GPHN: variants seen among roughly 807,000 people sequenced by gnomAD.
GPHN encodes gephyrin.
GPHN carries 17 observed loss-of-function variants against 95.5 expected under a neutral mutation model. That is an observed-to-expected ratio of 0.18 (90% CI 0.12 to 0.27). GPHN has a LOEUF of 0.27. Ranked by LOEUF, GPHN falls within the 10% of genes least tolerant of loss-of-function variation. The probability of loss-of-function intolerance (pLI) is 1.00; values close to 1 mark genes in which losing one functional copy is unlikely to be tolerated. For missense variants in GPHN, 660 were observed against 978.1 expected, an observed-to-expected ratio of 0.67 and a Z score of 4.34; for synonymous variants, 320 against 322.5, an observed-to-expected ratio of 0.99 and a Z score of 0.08.
intron 4 of GPHN, among the ~76,000 whole-genome samples, chr14:66,850,271 T>G (rs989347385): frequency 2.6e-5 from 4 of 152,208 alleles, no homozygotes; most frequent in African/African-American, 9.6e-5. Context: ...ACAATTATTT[T>G]GCTTGGCAAA....
the GPHN span, chr14:67,574,450 C>G: frequency 1.4e-6 from 2 of 1,402,202 alleles, no homozygotes; most frequent in South Asian, 3.1e-5. This position sits in a 1 kb window ranked among gnomAD's most constrained non-coding sequence, Gnocchi z 4.2. Flanking sequence ...TCCTGCGAAT[C>G]AGGGGAGCCA....
At chr14:67,594,051 T>G in the GPHN span, 7 of 755,552 alleles carry the variant, frequency 9.3e-6, no homozygotes, top group South Asian at 1.2e-4. Flanking sequence ...GAAATTGCTT[T>G]TATTTGGGTT....
At chr14:67,102,164 GC>G (rs2098283203) in intron 13 of GPHN, among the ~76,000 whole-genome samples, 1 of 151,848 alleles carries the variant, frequency 6.6e-6, no homozygotes, top group African/African-American at 2.4e-5. Context: ...GAGCCACCGC[GC>G]CCGGCCTGGC....
intron 1 of GPHN, 34 bp downstream of exon 1, chr14:66,508,625 C>T: frequency 2.6e-6 from 4 of 1,540,900 alleles, no homozygotes; most frequent in Non-Finnish European, 3.6e-6. Context: ...ACCTATGAGG[C>T]TGCTGTCCCT....
the GPHN span, among the ~76,000 whole-genome samples, chr14:67,378,307 C>G: frequency 7.0e-6 from 1 of 142,806 alleles, no homozygotes; most frequent in Non-Finnish European, 1.5e-5. Flanking sequence ...AGTTTATTCT[C>G]ATGTGACTTT....
intron 9 of GPHN, among the ~76,000 whole-genome samples, chr14:66,982,272 A>T (rs934213142): frequency 3.3e-5 from 5 of 152,160 alleles, no homozygotes; most frequent in Non-Finnish European, 7.4e-5. Context: ...AACTGAGCTA[A>T]ATCAAAGGGA....
the GPHN span, among the ~76,000 whole-genome samples, chr14:67,277,438 G>T: frequency 1.3e-5 from 2 of 152,168 alleles, no homozygotes; most frequent in Admixed American, 1.3e-4. Flanking sequence ...TTTGCATTAT[G>T]ACCCAAGATG....
At chr14:66,570,295 CTTTTTT>C (rs535461102) in intron 1 of GPHN, among the ~76,000 whole-genome samples, 2 of 100,104 alleles carry the variant, frequency 2.0e-5, no homozygotes, top group African/African-American at 8.5e-5. Flanking sequence ...ATTTCATGTA[CTTTTTT>C]TTTTTTTTTT....
chr14:67,386,477 T>C, the GPHN span: 1 of 152,256 alleles, frequency 6.6e-6, no homozygotes, highest in African/African-American at 2.4e-5. Context: ...GCCAGATTAC[T>C]GTATAAACTT....
the GPHN span, chr14:67,648,284 A>T: frequency 7.3e-7 from 1 of 1,364,428 alleles, no homozygotes; most frequent in Non-Finnish European, 9.9e-7. Flanking sequence ...ATCATTGCAG[A>T]GTTTGTTTTT....
intron 2 of GPHN, among the ~76,000 whole-genome samples, chr14:66,775,969 G>A (rs985182137): frequency 7.9e-5 from 12 of 152,118 alleles, no homozygotes; most frequent in Non-Finnish European, 2.9e-5. Flanking sequence ...ACCAGTTGTA[G>A]CACATGTGTC....
intron 1 of GPHN, among the ~76,000 whole-genome samples, chr14:66,659,790 A>G (rs2065531713): frequency 6.6e-6 from 1 of 151,990 alleles, no homozygotes; most frequent in Admixed American, 6.6e-5. Context: ...TTTATAGTCA[A>G]CATTCTTGTA....
chr14:67,398,219 G>GTT, the GPHN span, among the ~76,000 whole-genome samples: 19 of 151,752 alleles, frequency 1.3e-4, no homozygotes, highest in African/African-American at 4.4e-4. Flanking sequence ...TTATTTTCTA[G>GTT]TTTTTTTTGT....
intron 1 of GPHN, among the ~76,000 whole-genome samples, chr14:66,548,178 ATTTTTTTT>A (rs564746424): frequency 8.6e-6 from 1 of 116,164 alleles, no homozygotes; most frequent in Non-Finnish European, 1.7e-5. Flanking sequence ...TACTATTGTA[ATTTTTTTT>A]TTTTTTTTTT....
At chr14:67,066,412 T>C (rs1371685979) in intron 11 of GPHN, among the ~76,000 whole-genome samples, 1 of 152,066 alleles carries the variant, frequency 6.6e-6, no homozygotes, top group Non-Finnish European at 1.5e-5. Context: ...TGTCTTGGGG[T>C]TGTTTTTCTC....
chr14:67,120,966 A>G (rs1458631754), intron 16 of GPHN, among the ~76,000 whole-genome samples: 1 of 152,200 alleles, frequency 6.6e-6, no homozygotes, highest in Non-Finnish European at 1.5e-5. Flanking sequence ...TTTCCAATAT[A>G]AAGTCAAAAA....
chr14:67,551,077 T>C, the GPHN span, among the ~76,000 whole-genome samples: 1 of 152,204 alleles, frequency 6.6e-6, no homozygotes, highest in African/African-American at 2.4e-5. Context: ...TTTAGCTATA[T>C]ACATATAAGC....
chr14:67,562,803 G>T, the GPHN span: 7 of 1,613,846 alleles, frequency 4.3e-6, no homozygotes, highest in Non-Finnish European at 5.9e-6. Context: ...AATGAGGAAA[G>T]AGAGAGCCCA....
At chr14:66,697,408 A>G (rs2068170728) in intron 2 of GPHN, among the ~76,000 whole-genome samples, 1 of 152,158 alleles carries the variant, frequency 6.6e-6, no homozygotes, top group African/African-American at 2.4e-5. Context: ...ATAATTTTTT[A>G]CTACTTGTAA....
Sources: gnomAD v4.1 joint callset for allele counts (sites outside exome capture counted in the v4.1 genomes callset) on GRCh38, gnomAD v4.1.1 for gene constraint, Gnocchi (gnomAD v3.1) non-coding constraint, MANE v1.5 for transcripts, NCBI Gene and HGNC (gene_info 2026-07-23, HGNC 2026-07-21) for gene names.